PDE10A: variants seen among roughly 807,000 people sequenced by gnomAD.
PDE10A encodes the protein cAMP and cAMP-inhibited cGMP 3',5'-cyclic phosphodiesterase 10A.
In PDE10A, 39 loss-of-function variants were observed where a neutral mutation model predicts 97.7. That is an observed-to-expected ratio of 0.40 (90% CI 0.31 to 0.52). The LOEUF (loss-of-function observed/expected upper bound fraction) is 0.52, where lower values mean the gene tolerates loss of function less well. Ranked by LOEUF, PDE10A falls within the 20% of genes least tolerant of loss-of-function variation. PDE10A has a pLI of 0.56. For synonymous variants in PDE10A, 371 were observed against 376.8 expected (o/e 0.98, Z 0.18); for missense variants, 731 against 1,047.8 (o/e 0.70, Z 4.17).
chr6:165,433,238 T>A, intron 6 of PDE10A, 109 bp from the exon 7 acceptor site: 2 of 763,302 alleles, frequency 2.6e-6, no homozygotes, highest in Non-Finnish European at 4.1e-6. Flanking sequence ...TAATAAGCAG[T>A]ACTTTTCAAA....
At chr6:165,584,688 T>A (rs955895857) in intron 1 of PDE10A, among the ~76,000 whole-genome samples, 5 of 152,214 alleles carry the variant, frequency 3.3e-5, no homozygotes, top group African/African-American at 7.2e-5. Flanking sequence ...AGGAAGAACA[T>A]GTCTGGAATG....
chr6:165,901,656 G>A (rs1420048809), intron 1 of PDE10A, among the ~76,000 whole-genome samples: 1 of 152,160 alleles, frequency 6.6e-6, no homozygotes, highest in African/African-American at 2.4e-5. Flanking sequence ...TACAAAATTA[G>A]CCACGCATGG....
chr6:165,602,377 T>C (rs560425308), intron 1 of PDE10A, among the ~76,000 whole-genome samples: 1 of 152,116 alleles, frequency 6.6e-6, no homozygotes, highest in Non-Finnish European at 1.5e-5. Context: ...TCCACATGTC[T>C]CCCTTCGGTC....
chr6:165,893,957 A>T (rs1249214257), intron 1 of PDE10A, among the ~76,000 whole-genome samples: 1 of 151,844 alleles, frequency 6.6e-6, no homozygotes, highest in Non-Finnish European at 1.5e-5. Context: ...GGCAATGAAG[A>T]TTCTTTATCT....
At chr6:165,597,782 G>A (rs944611686) in intron 1 of PDE10A, among the ~76,000 whole-genome samples, 3 of 152,192 alleles carry the variant, frequency 2.0e-5, no homozygotes, top group Admixed American at 6.5e-5. Context: ...GATGATACCA[G>A]GTTTACTCAC....
At chr6:165,484,730 G>A (rs1779802859) in intron 2 of PDE10A, among the ~76,000 whole-genome samples, 1 of 152,216 alleles carries the variant, frequency 6.6e-6, no homozygotes, top group East Asian at 1.9e-4. Flanking sequence ...AGTGGCAAGT[G>A]AGCTGAGTGC....
upstream of PDE10A, among the ~76,000 whole-genome samples, chr6:165,664,022 A>G (rs1033133544): frequency 6.6e-6 from 1 of 152,174 alleles, no homozygotes; most frequent in Non-Finnish European, 1.5e-5. Flanking sequence ...CGGGGCCACC[A>G]TGGCGCGCTG....
intron 1 of PDE10A, among the ~76,000 whole-genome samples, chr6:165,679,441 T>C (rs995040297): frequency 6.6e-6 from 1 of 152,170 alleles, no homozygotes; most frequent in Non-Finnish European, 1.5e-5. Context: ...AAAGACTGCC[T>C]GGAAAGGGGA....
At chr6:165,650,743 G>C (rs1308305892) in intron 1 of PDE10A, among the ~76,000 whole-genome samples, 1 of 147,702 alleles carries the variant, frequency 6.8e-6, no homozygotes, top group Non-Finnish European at 1.5e-5. Context: ...CAGAATTACT[G>C]ACTCAATGGT....
chr6:165,700,380 A>G (rs1342216406), intron 1 of PDE10A, among the ~76,000 whole-genome samples: 1 of 152,196 alleles, frequency 6.6e-6, no homozygotes, highest in Non-Finnish European at 1.5e-5. Context: ...ACAGTTCTAA[A>G]TTGATTGTGG....
At chr6:165,650,311 G>GTATAAAT (rs1562658572) in intron 1 of PDE10A, among the ~76,000 whole-genome samples, 16 of 152,190 alleles carry the variant, frequency 1.1e-4, no homozygotes, top group African/African-American at 3.6e-4. Context: ...TGTATAAAAC[G>GTATAAAT]GGGTAACACT....
chr6:165,395,761 A>G (rs767371933), intron 14 of PDE10A, among the ~76,000 whole-genome samples: 10 of 152,178 alleles, frequency 6.6e-5, no homozygotes, highest in Non-Finnish European at 1.5e-4. Flanking sequence ...AATATATACT[A>G]TAATTTCAAT....
Position 165,511,250 on chromosome 6 carries a change from T to C in PDE10A, c.995-28907A>G, listed in dbSNP as rs540805636. ...CCGTTTTCATTTGTTTCAATAAATG[T>C]TTTGATTTTCATATTAATTTCTTCA... On this transcript the variant is annotated intron_variant, in intron 2 of 21. Transcript: ENST00000539869. Among the ~76,000 whole-genome samples the C allele has an allele frequency of 8.5e-5, 13 of 152,084 alleles. No individual in the cohort carries two copies. In the South Asian group the frequency reaches 1.2e-3, roughly 15 times the overall value.
At chr6:165,442,731 T>C (rs1481135602) in intron 5 of PDE10A, among the ~76,000 whole-genome samples, 1 of 152,054 alleles carries the variant, frequency 6.6e-6, no homozygotes, top group Non-Finnish European at 1.5e-5. Flanking sequence ...ACCTCTGGCC[T>C]CTCCCAAATA....
chr6:165,718,703 G>T (rs1792088766), intron 1 of PDE10A, among the ~76,000 whole-genome samples: 1 of 151,804 alleles, frequency 6.6e-6, no homozygotes, highest in African/African-American at 2.4e-5. Context: ...CTGTACAAAA[G>T]AAAAGACCTG....
At chr6:165,478,581 G>A (rs1211281634) in intron 3 of PDE10A, among the ~76,000 whole-genome samples, 1 of 152,192 alleles carries the variant, frequency 6.6e-6, no homozygotes, top group Non-Finnish European at 1.5e-5. Context: ...GGCAGGCCCT[G>A]AAAGAAATTG....
intron 1 of PDE10A, among the ~76,000 whole-genome samples, chr6:165,766,626 T>C (rs553062027): frequency 7.2e-5 from 11 of 152,220 alleles, no homozygotes; most frequent in African/African-American, 2.7e-4. Context: ...ATTAGTTATG[T>C]GGAAAACACA....
At chr6:165,750,824 G>A (rs1471706063) in intron 1 of PDE10A, among the ~76,000 whole-genome samples, 1 of 152,204 alleles carries the variant, frequency 6.6e-6, no homozygotes, top group Non-Finnish European at 1.5e-5. Flanking sequence ...AACGTGGTGT[G>A]AGGAGCATGG....
At chr6:165,688,030 A>G (rs10946094) in intron 1 of PDE10A, among the ~76,000 whole-genome samples, 1,741 of 152,322 alleles carry the variant, frequency 0.011, 46 homozygotes, top group South Asian at 0.083. Context: ...AGGCCAGCAC[A>G]CGCACACCCC....
Sources: allele counts gnomAD v4.1 joint callset (sites outside exome capture counted in the v4.1 genomes callset), GRCh38; gene constraint gnomAD v4.1.1; transcripts MANE v1.5; gene names NCBI Gene and HGNC (gene_info 2026-07-23, HGNC 2026-07-21).